Variants in SLC17A6 observed in about 807,000 individuals in gnomAD.
The protein encoded by SLC17A6 is solute carrier family 17 member 6.
Under a neutral mutation model 67.1 loss-of-function variants are expected in SLC17A6, and 35 were observed. The ratio of observed to expected loss-of-function variants is 0.52; its 90% CI spans 0.40 to 0.69. SLC17A6 has a LOEUF of 0.69. Among genes scored for constraint, SLC17A6 ranks in the 30% least tolerant of loss-of-function variants. The pLI, the probability that SLC17A6 is intolerant of heterozygous loss-of-function variation, is 0.00. For synonymous variants in SLC17A6, 285 were observed against 252.3 expected, an observed-to-expected ratio of 1.13 and a Z score of -1.23; for missense variants, 588 against 723.9, an observed-to-expected ratio of 0.81 and a Z score of 2.15.
chr11:22,338,805 C>T (rs994961090), intron 1 of SLC17A6, among the ~76,000 whole-genome samples, 186 bp downstream of exon 1: 1 of 132,436 alleles, frequency 7.6e-6, no homozygotes, highest in African/African-American at 3.2e-5. Context: ...ACTAAATGAA[C>T]CTGTCTGGTG....
chr11:22,352,804 T>C (rs1015828151), intron 3 of SLC17A6, among the ~76,000 whole-genome samples: 5 of 152,192 alleles, frequency 3.3e-5, no homozygotes, highest in Admixed American at 6.5e-5. Flanking sequence ...GGAAGGACAC[T>C]GAGACAGTTA....
chr11:22,341,441 C>T, intron 1 of SLC17A6, 87 bp from the exon 2 acceptor site: 1 of 1,539,340 alleles, frequency 6.5e-7, no homozygotes, highest in Admixed American at 1.8e-5. Flanking sequence ...CCTCCCAACC[C>T]CGACGGGTCC....
chr11:22,354,782 A>G (rs2133866281), intron 3 of SLC17A6, among the ~76,000 whole-genome samples: 1 of 152,350 alleles, frequency 6.6e-6, no homozygotes, highest in South Asian at 2.1e-4. Context: ...TCACTCGGAC[A>G]TGGTTACACC....
chr11:22,375,512 C>G (rs932830365), intron 9 of SLC17A6, among the ~76,000 whole-genome samples: 9 of 151,928 alleles, frequency 5.9e-5, no homozygotes, highest in Non-Finnish European at 1.2e-4. Context: ...TGGAGTTTCA[C>G]TCTTGTTGCC....
At chr11:22,373,357 T>C (rs146261752) in intron 8 of SLC17A6, among the ~76,000 whole-genome samples, 1 of 152,294 alleles carries the variant, frequency 6.6e-6, no homozygotes, top group Admixed American at 6.5e-5. Flanking sequence ...TTGTTGTTGT[T>C]CAAAGGTTTC....
intron 2 of SLC17A6, 78 bp downstream of exon 2, chr11:22,341,858 C>T (rs1354100812): frequency 6.6e-6 from 10 of 1,519,944 alleles, no homozygotes; most frequent in African/African-American, 4.1e-5. Flanking sequence ...GTTTGAGCCC[C>T]GTTCCCCCGC....
rs995900967 is a variant in SLC17A6 at position 22,375,910 on chromosome 11, T to C, written c.1175-72T>C. ...ATTTCTAGGTCAATAAGTTGGAACA[T>C]TTTTAGCAGTTTTGGCTCATTGGTA... On this transcript the variant is annotated intron_variant, in intron 9 of 11. Transcript: ENST00000263160. The C allele has an allele frequency of 7.3e-6, 7 of 961,590 alleles. No individual in the cohort carries two copies. In the African/African-American group the frequency reaches 9.8e-5, roughly 13 times the overall value. 59.6% of individuals were successfully genotyped at this position (961,590 alleles called of 1,614,324 possible).
chr11:22,374,980 T>C, intron 9 of SLC17A6, 93 bp downstream of exon 9: 2 of 1,220,416 alleles, frequency 1.6e-6, no homozygotes, highest in Non-Finnish European at 2.2e-6. Flanking sequence ...TCAAATTACT[T>C]AGATGCAGTT....
At chr11:22,352,444 A>T (rs1855950854) in intron 3 of SLC17A6, among the ~76,000 whole-genome samples, 1 of 152,254 alleles carries the variant, frequency 6.6e-6, no homozygotes, top group Non-Finnish European at 1.5e-5. Flanking sequence ...AAACTGCTTG[A>T]AATAAATATT....
intron 3 of SLC17A6, among the ~76,000 whole-genome samples, chr11:22,356,357 C>T (rs781747685): frequency 1.6e-4 from 25 of 151,936 alleles, no homozygotes; most frequent in Admixed American, 3.9e-4. Context: ...TAAAGGCTTT[C>T]CATTTAGGGC....
chr11:22,366,274 C>A (rs577130627), intron 7 of SLC17A6, among the ~76,000 whole-genome samples: 1 of 151,920 alleles, frequency 6.6e-6, no homozygotes, highest in African/African-American at 2.4e-5. Flanking sequence ...GTGCCCCCCC[C>A]ACCCTGTAAA....
intron 7 of SLC17A6, among the ~76,000 whole-genome samples, chr11:22,366,415 T>C (rs542386427): frequency 5.5e-4 from 84 of 152,294 alleles, no homozygotes; most frequent in Non-Finnish European, 1.0e-3. Flanking sequence ...TAGGAGATAC[T>C]GAAGCATTAG....
intron 10 of SLC17A6, 146 bp from the exon 11 acceptor site, chr11:22,376,399 A>T: frequency 1.2e-6 from 1 of 842,504 alleles, no homozygotes; most frequent in Non-Finnish European, 1.8e-6. Flanking sequence ...TATTCTCATT[A>T]TATCCCCGAG....
chr11:22,343,219 T>G, intron 2 of SLC17A6, 28 bp from the exon 3 acceptor site: 2 of 1,582,358 alleles, frequency 1.3e-6, no homozygotes, highest in Non-Finnish European at 1.7e-6. Context: ...ACTCTTTCCC[T>G]TCACACTTTT....
rs545513182 is a variant in SLC17A6 at position 22,348,855 on chromosome 11, T to C, written c.458+5490T>C. Among the ~76,000 whole-genome samples, 44 of 152,284 alleles carry C rather than the reference T, an allele frequency of 2.9e-4. No individual in the cohort carries two copies. In the East Asian group the frequency reaches 8.3e-3, roughly 29 times the overall value. On this transcript the variant is annotated intron_variant, in intron 3 of 11. Transcript: ENST00000263160. ...TGAAACATCTCTTGTTAGAATAATT[T>C]TCGAAAGGAGAAGAAGACATTTTAA...
At chr11:22,374,935 T>A in intron 9 of SLC17A6, 48 bp downstream of exon 9, 1 of 1,546,590 alleles carries the variant, frequency 6.5e-7, no homozygotes. Context: ...TCAATCAGTT[T>A]AACCTACATG....
chr11:22,341,613 C>G lies in SLC17A6; in HGVS notation c.172C>G (p.Pro58Ala). The change falls in exon 2 of 12, where the codon CCG becomes GCG. Residue 58 changes from proline (P) to alanine (A), a missense_variant. Pro to Ala is a conservative substitution (Grantham distance 27). Transcript: ENST00000263160. ...KPLEVPERKA[P>A]LCDCTCFGLP... ...CCTAGAGGTGCCCGAGAGGAAGGCGCCGCTGTGCGACTGCACGTGCTTCGG... is the reference window on the plus strand; with the variant it reads ...CCTAGAGGTGCCCGAGAGGAAGGCGGCGCTGTGCGACTGCACGTGCTTCGG... The G allele has an allele frequency of 1.2e-6, 2 of 1,614,108 alleles. No individual in the cohort carries two copies. The highest frequency in any genetic ancestry group is 1.7e-6 in the Non-Finnish European group (2 of 1,180,032).
rs1050528883 is a variant in SLC17A6, at chr11:22,365,617, T to C, written c.819T>C (p.Thr273=). ...ATGAAAGTCCTGCAAAGCATCCTAC[T>C]ATTACAGATGAAGAACGTAGGTACA... is the stretch of plus-strand genomic sequence containing the variant. ...VSYESPAKHP[T]ITDEERRYIE... is the part of the protein sequence containing the mutation. The change falls in exon 7 of 12, where the codon ACT becomes ACC. Residue 273 remains threonine (T), a synonymous_variant. Coordinates refer to ENST00000263160, the MANE Select transcript of SLC17A6 (RefSeq NM_020346.3). The C allele has an allele frequency of 3.7e-6, 6 of 1,613,834 alleles. No homozygotes were observed. The African/African-American group carries it at 8.0e-5, about 22-fold the overall frequency.
intron 3 of SLC17A6, among the ~76,000 whole-genome samples, chr11:22,344,587 C>T (rs968909240): frequency 7.2e-5 from 11 of 152,162 alleles, no homozygotes; most frequent in African/African-American, 2.4e-4. Flanking sequence ...TAATGCCTTT[C>T]GAGTATCGTC....
Sources: allele counts gnomAD v4.1 joint callset (sites outside exome capture counted in the v4.1 genomes callset), GRCh38; gene constraint gnomAD v4.1.1; transcripts MANE v1.5; gene names NCBI Gene and HGNC (gene_info 2026-07-23, HGNC 2026-07-21).